The following NRXN3 variants were observed in gnomAD, a reference collection of about 807,000 sequenced individuals.
NRXN3 encodes the protein neurexin 3.
Under a neutral mutation model 137.6 loss-of-function variants are expected in NRXN3, and 32 were observed. The observed-to-expected ratio is 0.23, with a 90% CI of 0.18 to 0.31. NRXN3 has a LOEUF of 0.31. Ranked by LOEUF, NRXN3 falls within the 10% of genes least tolerant of loss-of-function variation. The probability of loss-of-function intolerance (pLI) is 1.00; values close to 1 mark genes in which losing one functional copy is unlikely to be tolerated. For missense variants in NRXN3, 1,574 were observed against 2,062.5 expected, an observed-to-expected ratio of 0.76 and a Z score of 4.59; for synonymous variants, 798 against 784.5, an observed-to-expected ratio of 1.02 and a Z score of -0.29.
chr14:78,650,346 C>T (rs2097728722), intron 5 of NRXN3, among the ~76,000 whole-genome samples: 1 of 152,104 alleles, frequency 6.6e-6, no homozygotes, highest in South Asian at 2.1e-4. Context: ...TTTGAGGCCC[C>T]ATCGTTTCTC....
In NRXN3 at chr14:78,937,093, G is replaced by T. The variant is rs942546825; in HGVS notation, c.2276-20149G>T. Among the ~76,000 whole-genome samples the T allele has an allele frequency of 3.3e-5, 5 of 150,150 alleles. No homozygotes were observed. The East Asian group carries it at 9.8e-4, about 29-fold the overall frequency. ...AAAAATTAGCCAGGTGTGGTGGCAG[G>T]CACCCGTAATCCCAGCTACTCGGGA... On this transcript the variant is annotated intron_variant, in intron 10 of 20. Transcript: ENST00000335750.
chr14:78,491,824 C>T (rs1017949577), intron 4 of NRXN3, among the ~76,000 whole-genome samples: 16 of 152,150 alleles, frequency 1.1e-4, no homozygotes, highest in African/African-American at 3.6e-4. Context: ...ATGAAATTCT[C>T]AGTTGAGAAT....
At chr14:79,561,102 A>T (rs929570158) in intron 16 of NRXN3, among the ~76,000 whole-genome samples, 4 of 152,084 alleles carry the variant, frequency 2.6e-5, no homozygotes, top group African/African-American at 9.7e-5. Flanking sequence ...TTGCTTTTAG[A>T]GTTGTTGAGC....
intron 15 of NRXN3, among the ~76,000 whole-genome samples, chr14:79,162,161 C>G (rs2060844295): frequency 1.4e-5 from 2 of 145,596 alleles, no homozygotes; most frequent in African/African-American, 2.6e-5. Context: ...TATTATTATA[C>G]TTTAAGTTTT....
At position 78,225,952 on chromosome 14, in the gene NRXN3, G is replaced by T. The variant is rs111414504; in HGVS notation, c.-703-16439G>T. Among the ~76,000 whole-genome samples, 7 of 124,818 alleles carry T rather than the reference G, an allele frequency of 5.6e-5. 1 individual carries two copies. The highest frequency in any genetic ancestry group is 5.3e-4 in the South Asian group (2 of 3,760). 81.9% of individuals were successfully genotyped at this position (124,818 alleles called of 152,430 possible). On this transcript the variant is annotated intron_variant, in intron 1 of 20. Transcript: ENST00000335750. ...CCTAGCAAGTAGCAGGTGTTTTTTT[G>T]GTGTGTGTGTGTGTGTGTGTTGGTG...
intron 4 of NRXN3, among the ~76,000 whole-genome samples, chr14:78,576,895 C>T (rs1600735425): frequency 6.6e-6 from 1 of 152,318 alleles, no homozygotes; most frequent in Non-Finnish European, 1.5e-5. Context: ...ACCAACCCCA[C>T]TAATGGTATA....
rs2153001090 is a variant in NRXN3 at position 78,968,173 on chromosome 14, G to A, written c.2969G>A (p.Gly990Asp). Residue 990 changes from glycine (G) to aspartate (D), a missense_variant and splice_region_variant, in exon 14 of 21, where the codon GGT becomes GAT. Coordinates refer to ENST00000335750, the MANE Select transcript of NRXN3 (RefSeq NM_001330195.2). Reference protein sequence around the residue: ...INGAKNLDLKGDLYMAGLAQG... With the variant: ...INGAKNLDLKDDLYMAGLAQG... ...TTTTGCTAATTACTTTCCTTTCCAG[G>A]TGATCTCTATATGGCTGGTCTGGCC... The A allele has an allele frequency of 6.3e-7, 1 of 1,587,628 alleles. No homozygotes were observed. The highest frequency in any genetic ancestry group is 8.6e-7 in the Non-Finnish European group (1 of 1,162,920).
chr14:79,136,737 C>T (rs1239403461), intron 15 of NRXN3, among the ~76,000 whole-genome samples: 2 of 152,178 alleles, frequency 1.3e-5, no homozygotes, highest in Non-Finnish European at 2.9e-5. Context: ...TTATGTTCCC[C>T]AGGGACTGCC....
intron 4 of NRXN3, among the ~76,000 whole-genome samples, chr14:78,603,127 G>A (rs146833558): frequency 1.1e-4 from 17 of 152,076 alleles, no homozygotes; most frequent in South Asian, 6.2e-4. Context: ...TAGAAGCAGC[G>A]TGTCCCCTGC....
chr14:79,678,099 G>A (rs1384355246), intron 17 of NRXN3, among the ~76,000 whole-genome samples: 4 of 152,068 alleles, frequency 2.6e-5, no homozygotes, highest in South Asian at 4.2e-4. Flanking sequence ...TTCTGGCTTC[G>A]ATTCTTTGAT....
intron 16 of NRXN3, among the ~76,000 whole-genome samples, chr14:79,508,108 A>G (rs2096895017): frequency 6.6e-6 from 1 of 152,090 alleles, no homozygotes; most frequent in Admixed American, 6.6e-5. Flanking sequence ...CATGACCTTG[A>G]GCAAATCACT....
chr14:79,013,598 T>C (rs79107226), intron 15 of NRXN3, among the ~76,000 whole-genome samples: 2,073 of 152,286 alleles, frequency 0.014, 54 homozygotes, highest in African/African-American at 0.047. Context: ...AAATGCTAAG[T>C]CAGGGTCTTT....
intron 4 of NRXN3, among the ~76,000 whole-genome samples, chr14:78,386,273 GAGAT>G (rs929331691): frequency 3.5e-4 from 53 of 152,086 alleles, no homozygotes; most frequent in African/African-American, 1.2e-3. Context: ...AATTTAAAAG[GAGAT>G]AGATAAAGGC....
At chr14:79,796,300 G>T (rs2099160732) in intron 19 of NRXN3, among the ~76,000 whole-genome samples, 1 of 152,116 alleles carries the variant, frequency 6.6e-6, no homozygotes, top group Non-Finnish European at 1.5e-5. Context: ...AGAGGGATTT[G>T]CTTATCAGTG....
chr14:78,187,222 A>G (rs1400283651), intron 1 of NRXN3, among the ~76,000 whole-genome samples: 1 of 151,304 alleles, frequency 6.6e-6, no homozygotes, highest in Non-Finnish European at 1.5e-5. Flanking sequence ...CTTAGCAAGT[A>G]TGTGAGGTGT....
chr14:79,608,800 A>G (rs76904148), intron 16 of NRXN3, among the ~76,000 whole-genome samples: 3,653 of 152,098 alleles, frequency 0.024, 153 homozygotes, highest in African/African-American at 0.083. Context: ...TTTCCTGCAT[A>G]TACTTAAAAA....
At chr14:78,652,569 C>A (rs1254092181) in intron 6 of NRXN3, among the ~76,000 whole-genome samples, 1 of 152,160 alleles carries the variant, frequency 6.6e-6, no homozygotes, top group Non-Finnish European at 1.5e-5. Flanking sequence ...GATAACAATC[C>A]CTTGTGACAT....
intron 15 of NRXN3, among the ~76,000 whole-genome samples, chr14:79,443,155 G>C (rs564303369): frequency 7.3e-4 from 111 of 152,344 alleles, no homozygotes; most frequent in African/African-American, 2.6e-3. Context: ...ATAGGTGTTA[G>C]AACAGCAGAG....
intron 17 of NRXN3, among the ~76,000 whole-genome samples, chr14:79,671,919 G>A (rs921827492): frequency 9.9e-5 from 15 of 151,860 alleles, no homozygotes; most frequent in African/African-American, 3.6e-4. Flanking sequence ...GGGAACACAT[G>A]GACACAGGGC....
Sources: gnomAD v4.1 joint callset for allele counts (sites outside exome capture counted in the v4.1 genomes callset) on GRCh38, gnomAD v4.1.1 for gene constraint, MANE v1.5 for transcripts, NCBI Gene and HGNC (gene_info 2026-07-23, HGNC 2026-07-21) for gene names.